BOLL: variants seen among roughly 807,000 people sequenced by gnomAD.
BOLL encodes the protein protein boule-like.
BOLL carries 23 observed loss-of-function variants against 44.4 expected under a neutral mutation model. That is an observed-to-expected ratio of 0.52 (90% CI 0.37 to 0.73). The LOEUF (loss-of-function observed/expected upper bound fraction) is 0.73, where lower values mean the gene tolerates loss of function less well. Among genes scored for constraint, BOLL ranks in the 30% least tolerant of loss-of-function variants. BOLL has a pLI of 0.00. For missense variants in BOLL, 287 were observed against 338.3 expected (o/e 0.85, Z 1.19); for synonymous variants, 97 against 110.8 (o/e 0.88, Z 0.78).
intron 10 of BOLL, among the ~76,000 whole-genome samples, chr2:197,729,371 G>C (rs1260398632): frequency 2.6e-5 from 4 of 152,194 alleles, no homozygotes; most frequent in African/African-American, 9.6e-5. Flanking sequence ...ACTGCAAGGC[G>C]GCAGCGAGGC....
At chr2:197,746,831 C>T (rs770632301) in intron 9 of BOLL, among the ~76,000 whole-genome samples, 6 of 145,720 alleles carry the variant, frequency 4.1e-5, no homozygotes, top group Non-Finnish European at 8.9e-5. Context: ...ACCCGGGAGG[C>T]AGAGGTTGCA....
intron 5 of BOLL, 71 bp downstream of exon 5, chr2:197,775,594 A>G: frequency 1.0e-6 from 1 of 999,436 alleles, no homozygotes; most frequent in Non-Finnish European, 1.5e-6. Flanking sequence ...ATAAAGTTCT[A>G]TAAAAAGTCT....
intron 10 of BOLL, among the ~76,000 whole-genome samples, chr2:197,733,990 C>T (rs1687346498): frequency 6.6e-6 from 1 of 151,824 alleles, no homozygotes; most frequent in South Asian, 2.1e-4. Flanking sequence ...AGAGCTTCTG[C>T]ACAGCAAAAG....
At chr2:197,740,456 T>C (rs1400792710) in intron 10 of BOLL, among the ~76,000 whole-genome samples, 5 of 152,094 alleles carry the variant, frequency 3.3e-5, no homozygotes. Context: ...CATAAGGGAA[T>C]AGGAAGAATT....
Position 197,775,742 on chromosome 2 carries a change from TA to T in BOLL, c.277-3del. Reference sequence around the variant, plus strand: ...ATCCTTATAATTAAGTTTTTCAGCCTAAAATAAAGAAAAAAGAAATTATTTT... The same window carrying T: ...ATCCTTATAATTAAGTTTTTCAGCCTAAATAAAGAAAAAAGAAATTATTTT... On this transcript the variant is annotated splice_region_variant and splice_polypyrimidine_tract_variant and intron_variant, in intron 4 of 10. Coordinates refer to ENST00000392296, the MANE Select transcript of BOLL (RefSeq NM_033030.6). The T allele has an allele frequency of 1.4e-6, 2 of 1,475,844 alleles. No individual in the cohort carries two copies. The highest frequency in any genetic ancestry group is 1.3e-5 in the South Asian group (1 of 74,172). 91.4% of individuals were successfully genotyped at this position (1,475,844 alleles called of 1,614,324 possible). A position where few individuals can be genotyped will look rare whatever the true frequency, so the allele number is the denominator to read the frequency against.
At chr2:197,746,872 C>G (rs1688007598) in intron 9 of BOLL, among the ~76,000 whole-genome samples, 1 of 136,712 alleles carries the variant, frequency 7.3e-6, no homozygotes, top group Admixed American at 7.9e-5. Context: ...TGCACTCCAA[C>G]TTGGTGACAG....
chr2:197,728,516 A>G lies in BOLL; in HGVS notation c.*39T>C. The G allele has an allele frequency of 6.2e-7, 1 of 1,614,184 alleles. No individual in the cohort carries two copies. Among genetic ancestry groups the G allele is most frequent in the Admixed American group, 1.7e-5 (1 of 60,022 alleles). Reference sequence around the variant, plus strand: ...CTCGGCCACGCAAGGATCATTGGACAAGAAATCAGTTGAGCTGGAATAGAG... The same window carrying G: ...CTCGGCCACGCAAGGATCATTGGACGAGAAATCAGTTGAGCTGGAATAGAG... On this transcript the variant is annotated 3_prime_UTR_variant, in exon 11 of 11. Coordinates refer to ENST00000392296, the MANE Select transcript of BOLL (RefSeq NM_033030.6).
intron 6 of BOLL, among the ~76,000 whole-genome samples, chr2:197,769,878 G>A (rs1210833176): frequency 4.6e-5 from 7 of 151,972 alleles, no homozygotes; most frequent in African/African-American, 9.7e-5. Flanking sequence ...AGAACATTCC[G>A]TGCTCATGGA....
At chr2:197,763,165 A>C (rs1688835614) in intron 7 of BOLL, among the ~76,000 whole-genome samples, 1 of 152,182 alleles carries the variant, frequency 6.6e-6, no homozygotes, top group African/African-American at 2.4e-5. Flanking sequence ...CCAAGACTAA[A>C]CCAAGACTGA....
chr2:197,738,397 A>G (rs13012441), intron 10 of BOLL, among the ~76,000 whole-genome samples: 3,808 of 152,190 alleles, frequency 0.025, 91 homozygotes, highest in Non-Finnish European at 0.037. Context: ...GATTCTGTAT[A>G]AGATGTTACT....
chr2:197,770,158 G>C (rs1689177664), intron 6 of BOLL, among the ~76,000 whole-genome samples: 2 of 151,346 alleles, frequency 1.3e-5, no homozygotes, highest in Non-Finnish European at 3.0e-5. Flanking sequence ...CAGAGATATA[G>C]ACCAACAGAA....
At chr2:197,730,651 C>T (rs1478601215) in intron 10 of BOLL, among the ~76,000 whole-genome samples, 5 of 147,980 alleles carry the variant, frequency 3.4e-5, no homozygotes, top group African/African-American at 1.2e-4. Context: ...AGAGTGGGGG[C>T]CAATATTCAA....
chr2:197,765,864 G>GACACTGGGTACCTCAAGT lies in BOLL; in HGVS notation c.552+667_552+668insACTTGAGGTACCCAGTGT, dbSNP rs551936075. Among the ~76,000 whole-genome samples, 778 of 152,052 alleles carry GACACTGGGTACCTCAAGT rather than the reference G, an allele frequency of 5.1e-3. 5 individuals are homozygous for GACACTGGGTACCTCAAGT. The highest frequency in any genetic ancestry group is 8.5e-3 in the Admixed American group (129 of 15,240). ...TCTTCCCACCCTCCACCCTCAAGTA[G>GACACTGGGTACCTCAAGT]ACCCCAGTGTCTACTGTTCCCTTCT... On this transcript the variant is annotated intron_variant, in intron 7 of 10. Coordinates refer to ENST00000392296, the MANE Select transcript of BOLL (RefSeq NM_033030.6).
At chr2:197,773,911 C>T (rs192828977) in intron 5 of BOLL, 25 of 351,090 alleles carry the variant, frequency 7.1e-5, no homozygotes, top group Admixed American at 3.8e-4. Flanking sequence ...AGTTGGGACT[C>T]GGGTGTTGGT....
chr2:197,777,159 T>G (rs773029311), intron 3 of BOLL, 46 bp from the exon 4 acceptor site: 2 of 1,266,784 alleles, frequency 1.6e-6, no homozygotes, highest in Non-Finnish European at 2.2e-6. Flanking sequence ...TTTCTTAGAA[T>G]GTTATATTAA....
At position 197,777,069 on chromosome 2, in the gene BOLL, AT is replaced by A; in HGVS notation, c.265del (p.Ile89PhefsTer15). The A allele has an allele frequency of 6.3e-7, 1 of 1,575,614 alleles. No homozygotes were observed. Among genetic ancestry groups the A allele is most frequent in the Non-Finnish European group, 8.7e-7 (1 of 1,154,736 alleles). ...TFETQEDAQKILQEAEKLNYK... is the reference protein window; with the variant it reads ...TFETQEDAQKXLQEAEKLNYK... ...ACCAAAAGATCATACCTCTTGTAAA[AT>A]TTTTTGTGCATCTTCTTGTGTTTCA... On this transcript the variant is annotated frameshift_variant, in exon 4 of 11. Coordinates refer to ENST00000392296, the MANE Select transcript of BOLL (RefSeq NM_033030.6). LOFTEE classifies it high-confidence loss of function.
intron 7 of BOLL, among the ~76,000 whole-genome samples, chr2:197,759,739 CTT>C (rs992314658): frequency 6.6e-6 from 1 of 152,176 alleles, no homozygotes; most frequent in African/African-American, 2.4e-5. Context: ...TGAACCCACT[CTT>C]TAGCTGGTCA....
chr2:197,768,839 A>G (rs1454556368), intron 6 of BOLL, among the ~76,000 whole-genome samples: 1 of 149,766 alleles, frequency 6.7e-6, no homozygotes, highest in Non-Finnish European at 1.5e-5. Flanking sequence ...CGTTCCATCA[A>G]TACCTAGTTT....
At chr2:197,780,050 A>C (rs191595969) in intron 2 of BOLL, among the ~76,000 whole-genome samples, 129 of 152,172 alleles carry the variant, frequency 8.5e-4, no homozygotes, top group African/African-American at 3.0e-3. Flanking sequence ...AAACTGAATG[A>C]CTTTTATTTC....
Sources: gnomAD v4.1 joint callset for allele counts (sites outside exome capture counted in the v4.1 genomes callset) on GRCh38, gnomAD v4.1.1 for gene constraint, MANE v1.5 for transcripts, NCBI Gene and HGNC (gene_info 2026-07-23, HGNC 2026-07-21) for gene names.